ACSM3: variants seen among roughly 807,000 people sequenced by gnomAD.
ACSM3 encodes the protein acyl-coenzyme A synthetase ACSM3, mitochondrial.
ACSM3 carries 61 observed loss-of-function variants against 74.1 expected under a neutral mutation model. That is an observed-to-expected ratio of 0.82 (90% CI 0.67 to 1.02). ACSM3 has a LOEUF of 1.02. Among genes scored for constraint, ACSM3 ranks in the 50% least tolerant of loss-of-function variants. The pLI is 0.00. For synonymous variants in ACSM3, 213 were observed against 241.5 expected, an observed-to-expected ratio of 0.88 and a Z score of 1.09; for missense variants, 660 against 697.0, an observed-to-expected ratio of 0.95 and a Z score of 0.60.
chr16:20,794,846 T>G (rs2152491489), intron 12 of ACSM3, among the ~76,000 whole-genome samples: 1 of 152,358 alleles, frequency 6.6e-6, no homozygotes, highest in African/African-American at 2.4e-5. Flanking sequence ...TGTTCTGACT[T>G]CAGAGTTCAT....
At chr16:20,744,582 A>T (rs1460761587) in intron 1 of ACSM3, among the ~76,000 whole-genome samples, 1 of 152,164 alleles carries the variant, frequency 6.6e-6, no homozygotes, top group African/African-American at 2.4e-5. Context: ...ATGGGGTTTC[A>T]CCATGTTGGC....
intron 1 of ACSM3, among the ~76,000 whole-genome samples, chr16:20,718,035 G>GAAAAGA (rs1237276535): frequency 1.3e-5 from 2 of 150,852 alleles, no homozygotes; most frequent in African/African-American, 4.9e-5. Flanking sequence ...AGAAAAGAAA[G>GAAAAGA]AAGAAGAAGA....
chr16:20,686,214 A>T (rs1165779608), intron 1 of ACSM3, among the ~76,000 whole-genome samples: 1 of 151,648 alleles, frequency 6.6e-6, no homozygotes, highest in Non-Finnish European at 1.5e-5. Flanking sequence ...TTTGAAAAAA[A>T]TTTTTTTAAT....
chr16:20,676,471 T>G (rs201341457), intron 1 of ACSM3, among the ~76,000 whole-genome samples: 2 of 152,180 alleles, frequency 1.3e-5, no homozygotes, highest in Admixed American at 1.3e-4. Context: ...AATCAGTGCA[T>G]GGTGGACACA....
intron 7 of ACSM3, among the ~76,000 whole-genome samples, chr16:20,784,059 A>G (rs2080414796): frequency 6.6e-6 from 1 of 152,078 alleles, no homozygotes; most frequent in African/African-American, 2.4e-5. Flanking sequence ...GCCCACCTCT[A>G]ACTCCCAAAG....
chr16:20,782,198 A>G (rs2080366594), intron 7 of ACSM3, among the ~76,000 whole-genome samples: 1 of 152,220 alleles, frequency 6.6e-6, no homozygotes, highest in Non-Finnish European at 1.5e-5. Flanking sequence ...TAATCCAAAA[A>G]GAAAAACAAC....
intron 1 of ACSM3, among the ~76,000 whole-genome samples, chr16:20,707,762 C>T (rs1336664518): frequency 6.6e-6 from 1 of 152,138 alleles, no homozygotes; most frequent in African/African-American, 2.4e-5. Flanking sequence ...CCTGCCAAAA[C>T]CAGTTTCTAA....
At chr16:20,711,480 C>A in intron 1 of ACSM3, 1 of 1,312,956 alleles carries the variant, frequency 7.6e-7, no homozygotes, top group Non-Finnish European at 1.1e-6. Context: ...CAGGGATTGT[C>A]TTCATGCCAG....
intron 1 of ACSM3, chr16:20,691,063 G>A (rs767832113): frequency 6.2e-7 from 1 of 1,613,806 alleles, no homozygotes; most frequent in East Asian, 2.2e-5. Flanking sequence ...GTACTTCATA[G>A]TCATTCCATC....
intron 3 of ACSM3, 75 bp from the exon 4 acceptor site, chr16:20,777,298 G>C (rs2152461765): frequency 7.7e-7 from 1 of 1,305,342 alleles, no homozygotes; most frequent in East Asian, 2.3e-5. Flanking sequence ...AGAATGTATA[G>C]ATGGTATCTA....
At chr16:20,771,848 C>T (rs1477903776) in intron 2 of ACSM3, among the ~76,000 whole-genome samples, 1 of 152,194 alleles carries the variant, frequency 6.6e-6, no homozygotes, top group Non-Finnish European at 1.5e-5. Flanking sequence ...TTTATATTCT[C>T]ACCAATAGTG....
chr16:20,721,910 G>C (rs971133879), intron 1 of ACSM3: 1 of 152,168 alleles, frequency 6.6e-6, no homozygotes, highest in Non-Finnish European at 1.5e-5. Flanking sequence ...TACTGTTATT[G>C]ATAAGGAAAA....
chr16:20,752,492 T>C (rs2079996622), intron 2 of ACSM3, among the ~76,000 whole-genome samples: 1 of 152,234 alleles, frequency 6.6e-6, no homozygotes, highest in Non-Finnish European at 1.5e-5. Context: ...AGCCTGGTCT[T>C]GGCTGGGAAC....
At chr16:20,774,897 C>CA (rs1250697438) in intron 2 of ACSM3, among the ~76,000 whole-genome samples, 1 of 152,172 alleles carries the variant, frequency 6.6e-6, no homozygotes, top group Non-Finnish European at 1.5e-5. Context: ...CCGCAGATGG[C>CA]AATGCAGGCA....
chr16:20,792,204 C>A (rs1370500240), intron 11 of ACSM3, 32 bp from the exon 12 acceptor site: 1 of 1,613,948 alleles, frequency 6.2e-7, no homozygotes, highest in Non-Finnish European at 8.5e-7. Flanking sequence ...CTGCCACTCA[C>A]CTGTATGTAT....
At chr16:20,691,660 C>T (rs2079653293) in intron 1 of ACSM3, among the ~76,000 whole-genome samples, 1 of 151,962 alleles carries the variant, frequency 6.6e-6, no homozygotes, top group African/African-American at 2.4e-5. Context: ...TATATGATCC[C>T]ATCCCATGAC....
chr16:20,703,133 T>C (rs1331049396), intron 1 of ACSM3: 1 of 152,176 alleles, frequency 6.6e-6, no homozygotes, highest in Non-Finnish European at 1.5e-5. Flanking sequence ...AGATGTATAG[T>C]GTTATTTCTG....
chr16:20,733,558 T>C (rs1337446336), intron 1 of ACSM3: 2 of 152,048 alleles, frequency 1.3e-5, no homozygotes, highest in African/African-American at 2.4e-5. Flanking sequence ...CTCATGTCCA[T>C]GGCATTTTAT....
intron 1 of ACSM3, chr16:20,711,484 A>G: frequency 1.5e-6 from 2 of 1,328,736 alleles, no homozygotes; most frequent in Non-Finnish European, 1.0e-6. Flanking sequence ...GATTGTCTTC[A>G]TGCCAGGAAC....
Sources: allele counts gnomAD v4.1 joint callset (sites outside exome capture counted in the v4.1 genomes callset), GRCh38; gene constraint gnomAD v4.1.1; transcripts MANE v1.5; gene names NCBI Gene and HGNC (gene_info 2026-07-23, HGNC 2026-07-21).